GNA13: variants seen among roughly 807,000 people sequenced by gnomAD.
The protein encoded by GNA13 is G protein subunit alpha 13.
In GNA13, 4 loss-of-function variants were observed where a neutral mutation model predicts 33.5. That is an observed-to-expected ratio of 0.12 (90% CI 0.06 to 0.27). GNA13 has a LOEUF of 0.27. Ranked by LOEUF, GNA13 falls within the 10% of genes least tolerant of loss-of-function variation. The pLI is 1.00. For synonymous variants in GNA13, 176 were observed against 183.8 expected (o/e 0.96, Z 0.34); for missense variants, 319 against 487.2 (o/e 0.65, Z 3.25).
At chr17:65,049,959 G>T (rs1385274604) in intron 2 of GNA13, among the ~76,000 whole-genome samples, 2 of 152,204 alleles carry the variant, frequency 1.3e-5, no homozygotes, top group Non-Finnish European at 2.9e-5. Context: ...TACGCATGAT[G>T]AGAGCTATAG....
chr17:65,020,386 A>G lies in GNA13; in HGVS notation c.511-2083T>C, dbSNP rs118166999. On this transcript the variant is annotated intron_variant, in intron 2 of 3. Coordinates refer to ENST00000439174, the MANE Select transcript of GNA13 (RefSeq NM_006572.6). ...AGTTCAGTGGTTCAATGGATAACCA[A>G]CCGCTTAAGTTCTGCCCTGTGCAAC... Among the ~76,000 whole-genome samples, 754 of 152,270 alleles carry G rather than the reference A, an allele frequency of 5.0e-3. 6 individuals are homozygous for G. Among genetic ancestry groups the G allele is most frequent in the Non-Finnish European group, 8.2e-3 (558 of 68,014 alleles).
At chr17:65,026,957 T>C (rs1906808910) in intron 2 of GNA13, among the ~76,000 whole-genome samples, 1 of 152,040 alleles carries the variant, frequency 6.6e-6, no homozygotes, top group African/African-American at 2.4e-5. Flanking sequence ...TTTGTATTTT[T>C]AGTGGAGACA....
chr17:65,043,351 A>G (rs1907533533), intron 2 of GNA13, among the ~76,000 whole-genome samples: 1 of 151,722 alleles, frequency 6.6e-6, no homozygotes, highest in Admixed American at 6.6e-5. Flanking sequence ...GCAGTGGTGC[A>G]ATCTCAGGTC....
chr17:65,021,664 T>A (rs1348111619), intron 2 of GNA13, among the ~76,000 whole-genome samples: 1 of 152,208 alleles, frequency 6.6e-6, no homozygotes, highest in South Asian at 2.1e-4. Flanking sequence ...CAAGAAGAAC[T>A]GATCTGCTGT....
At chr17:65,054,782 T>C (rs1907978646) in intron 1 of GNA13, among the ~76,000 whole-genome samples, 2 of 152,230 alleles carry the variant, frequency 1.3e-5, no homozygotes, top group Admixed American at 6.5e-5. Context: ...ATGCTATTCA[T>C]TAACATAATT....
intron 1 of GNA13, 71 bp downstream of exon 1, chr17:65,056,240 C>T: frequency 1.1e-6 from 1 of 929,436 alleles, no homozygotes; most frequent in Non-Finnish European, 1.6e-6. Flanking sequence ...CAGGGCGGTG[C>T]CCCGCCCCGC....
At chr17:65,050,973 A>C in intron 2 of GNA13, among the ~76,000 whole-genome samples, 1 of 152,184 alleles carries the variant, frequency 6.6e-6, no homozygotes, top group East Asian at 1.9e-4. Flanking sequence ...GGTTTTACCT[A>C]TTCGTTCTTA....
intron 2 of GNA13, among the ~76,000 whole-genome samples, chr17:65,046,993 A>C (rs1397024826): frequency 6.6e-6 from 1 of 152,228 alleles, no homozygotes; most frequent in African/African-American, 2.4e-5. Flanking sequence ...ATAGAATACA[A>C]GTGATACCAC....
rs556373420 is a variant in GNA13, at chr17:65,011,585, T to C, written c.*2672A>G. On this transcript the variant is annotated 3_prime_UTR_variant, in exon 4 of 4. Transcript: ENST00000439174. Reference sequence around the variant, plus strand: ...TGTTGTTTTATAAGGCAACTGTATATACATTTCTTCAAGGTCAATGAAGAC... The same window carrying C: ...TGTTGTTTTATAAGGCAACTGTATACACATTTCTTCAAGGTCAATGAAGAC... 3.8e-5 allele frequency: 8 copies of C among 212,808 alleles called. No homozygotes were observed. In the South Asian group the frequency reaches 1.1e-3, roughly 30 times the overall value. The allele number at this position is 212,808 out of a possible 1,614,324, so 13.2% of individuals were successfully genotyped here. A position where few individuals can be genotyped will look rare whatever the true frequency, so the allele number is the denominator to read the frequency against.
At chr17:65,031,921 A>AGAGAGAGAGAGTGTGTGTGTGT (rs770161529) in intron 2 of GNA13, among the ~76,000 whole-genome samples, 4 of 91,690 alleles carry the variant, frequency 4.4e-5, no homozygotes, top group Non-Finnish European at 6.7e-5. Flanking sequence ...AGAGAGAGAG[A>AGAGAGAGAGAGTGTGTGTGTGT]GTGTGTGTGT....
At chr17:65,037,187 T>C (rs1454189460) in intron 2 of GNA13, among the ~76,000 whole-genome samples, 1 of 152,230 alleles carries the variant, frequency 6.6e-6, no homozygotes, top group Non-Finnish European at 1.5e-5. Context: ...TAATATTTAA[T>C]ACTTCTGAGA....
At chr17:65,042,995 G>A (rs1907518448) in intron 2 of GNA13, among the ~76,000 whole-genome samples, 1 of 152,120 alleles carries the variant, frequency 6.6e-6, no homozygotes, top group Non-Finnish European at 1.5e-5. Context: ...ATACAAGTCA[G>A]GTACTGTGGG....
chr17:65,015,486 C>T (rs1383793353), intron 3 of GNA13, among the ~76,000 whole-genome samples: 1 of 151,836 alleles, frequency 6.6e-6, no homozygotes, highest in African/African-American at 2.4e-5. Context: ...CACAGTGAAA[C>T]CCCATCTCTA....
intron 2 of GNA13, among the ~76,000 whole-genome samples, chr17:65,040,715 T>G (rs1811431570): frequency 6.6e-6 from 1 of 152,156 alleles, no homozygotes; most frequent in Admixed American, 6.6e-5. Flanking sequence ...ATGGTCTCGC[T>G]TTCCTGACCT....
At chr17:65,044,810 A>T (rs1479243139) in intron 2 of GNA13, among the ~76,000 whole-genome samples, 1 of 152,194 alleles carries the variant, frequency 6.6e-6, no homozygotes, top group African/African-American at 2.4e-5. Context: ...TGGGAGGCTA[A>T]GGCGGACAGA....
intron 2 of GNA13, among the ~76,000 whole-genome samples, chr17:65,041,030 TTAAA>T (rs1907432174): frequency 1.3e-5 from 2 of 152,302 alleles, no homozygotes; most frequent in East Asian, 1.9e-4. Flanking sequence ...ATCATGATGC[TTAAA>T]TAAAAATCAC....
At chr17:65,031,893 AGAAAG>A (rs1907038827) in intron 2 of GNA13, among the ~76,000 whole-genome samples, 55 of 131,008 alleles carry the variant, frequency 4.2e-4, no homozygotes, top group African/African-American at 1.5e-3. Context: ...AGAGAGAGAG[AGAAAG>A]AGAGAGAGAG....
At chr17:65,020,905 C>A (rs1412662824) in intron 2 of GNA13, among the ~76,000 whole-genome samples, 1 of 152,142 alleles carries the variant, frequency 6.6e-6, no homozygotes, top group Non-Finnish European at 1.5e-5. Flanking sequence ...CCCGTCTCGG[C>A]CTCCCAAAGT....
Position 65,032,735 on chromosome 17 carries a change from CCTATTCTATTGGTCTTTAT to C in GNA13, c.511-14451_511-14433del, listed in dbSNP as rs1304532058. Among the ~76,000 whole-genome samples, 271 of 152,200 alleles carry C rather than the reference CCTATTCTATTGGTCTTTAT, an allele frequency of 1.8e-3. 3 individuals are homozygous for C. Among genetic ancestry groups the C allele is most frequent in the African/African-American group, 6.2e-3 (257 of 41,514 alleles). On this transcript the variant is annotated intron_variant, in intron 2 of 3. Transcript: ENST00000439174. ...CATTTTGCTTGGTTGTCACACGGGA[CCTATTCTATTGGTCTTTAT>C]CTTTGATATTGCCTTTTCTGCCCCA...
Sources: allele counts gnomAD v4.1 joint callset (sites outside exome capture counted in the v4.1 genomes callset), GRCh38; gene constraint gnomAD v4.1.1; transcripts MANE v1.5; gene names NCBI Gene and HGNC (gene_info 2026-07-23, HGNC 2026-07-21).